SFXN3: variants seen among roughly 807,000 people sequenced by gnomAD.
SFXN3 encodes the protein sideroflexin 3, also known as sideroflexin-3.
A neutral mutation model predicts 40.4 loss-of-function variants in SFXN3; 31 were observed. The ratio of observed to expected loss-of-function variants is 0.77; its 90% CI spans 0.58 to 1.04. SFXN3 has a LOEUF of 1.04. Ranked by LOEUF, SFXN3 falls within the 50% of genes least tolerant of loss-of-function variation. The probability of loss-of-function intolerance (pLI) is 0.00; values close to 1 mark genes in which losing one functional copy is unlikely to be tolerated. For synonymous variants in SFXN3, 157 were observed against 160.0 expected, an observed-to-expected ratio of 0.98 and a Z score of 0.14; for missense variants, 366 against 408.2, an observed-to-expected ratio of 0.90 and a Z score of 0.89.
In SFXN3 at chr10:101,032,483, G is replaced by C. The variant is rs369924536; in HGVS notation, c.-4+1G>C. 8.1e-5 allele frequency: 125 copies of C among 1,546,074 alleles called. No homozygotes were observed. The highest frequency in any genetic ancestry group is 1.0e-4 in the Non-Finnish European group (118 of 1,146,596). On this transcript the variant is annotated splice_donor_variant, in intron 2 of 11. Coordinates refer to ENST00000393459, the Ensembl canonical transcript of SFXN3. LOFTEE classifies it low-confidence loss of function (5UTR_SPLICE). Reference sequence around the variant, plus strand: ...AGAGCTTCAGAGAGCGATGGAAAGCGTAAGTGCTCGCTCTCCCCGGCGGGC... The same window carrying C: ...AGAGCTTCAGAGAGCGATGGAAAGCCTAAGTGCTCGCTCTCCCCGGCGGGC...
exon 10 of SFXN3, chr10:101,038,659 G>C: frequency 6.2e-7 from 1 of 1,613,322 alleles, no homozygotes; most frequent in Non-Finnish European, 8.5e-7. Flanking sequence ...CCCTGGCTGG[G>C]GGCACCCCTG....
intron 4 of SFXN3, 112 bp downstream of exon 4, chr10:101,035,779 C>T: frequency 7.1e-7 from 1 of 1,417,268 alleles, no homozygotes; most frequent in Non-Finnish European, 9.6e-7. Flanking sequence ...GTCAGAATCG[C>T]TTCCATTCCT....
At position 101,032,559 on chromosome 10, in the gene SFXN3, T is replaced by C. The variant is rs1938329117; in HGVS notation, c.-4+77T>C. ...AGGAGGCCTGCCTTGAAACTGTCTG[T>C]CCTGGTGCAGTCAATGTCCTCGGCT... On this transcript the variant is annotated intron_variant, in intron 2 of 11. Transcript: ENST00000393459. The C allele has an allele frequency of 4.9e-6, 7 of 1,435,076 alleles. No homozygotes were observed. The African/African-American group carries it at 5.9e-5, about 12-fold the overall frequency. The allele number at this position is 1,435,076 out of a possible 1,614,324, so 88.9% of individuals were successfully genotyped here. A position where few individuals can be genotyped will look rare whatever the true frequency, so the allele number is the denominator to read the frequency against.
At chr10:101,035,542 G>A (rs138037029) in exon 4 of SFXN3, 759 of 1,613,360 alleles carry the variant, frequency 4.7e-4, no homozygotes, top group Non-Finnish European at 6.3e-4. Flanking sequence ...AGCTGTGGAG[G>A]GCCAAGTATG....
Position 101,039,546 on chromosome 10 carries a change from C to G in SFXN3, c.927C>G (p.Asn309Lys). The G allele has an allele frequency of 6.2e-7, 1 of 1,614,136 alleles. No individual in the cohort carries two copies. Among genetic ancestry groups the G allele is most frequent in the Non-Finnish European group, 8.5e-7 (1 of 1,180,002 alleles). Residue 309 changes from asparagine (N) to lysine (K), a missense_variant, in exon 12 of 12, where the codon AAC becomes AAG. Asn to Lys is a moderately conservative substitution (Grantham distance 94). Coordinates refer to ENST00000393459, the Ensembl canonical transcript of SFXN3. The surrounding 1 kb of genome is among the most constrained non-coding windows in gnomAD (Gnocchi z 4.6). ...TGAGAGCTCAGATCCATGAGCAAAA[C>G]CCCAGCGTTGAAGTGGTCTACTACA...
chr10:101,033,880 C>T (rs568326086), intron 2 of SFXN3, among the ~76,000 whole-genome samples: 4 of 152,098 alleles, frequency 2.6e-5, no homozygotes, highest in Non-Finnish European at 5.9e-5. Flanking sequence ...TTATGTTTCT[C>T]TCCACCCAAA....
At chr10:101,033,160 G>A (rs565609832) in intron 2 of SFXN3, among the ~76,000 whole-genome samples, 3 of 152,310 alleles carry the variant, frequency 2.0e-5, no homozygotes, top group East Asian at 1.9e-4. Flanking sequence ...GGCCAGTAAG[G>A]CCTTGCTCTC....
chr10:101,036,429 A>AC lies in SFXN3; in HGVS notation c.432-57_432-56insC, dbSNP rs1938606318. The AC allele has an allele frequency of 6.4e-7, 1 of 1,559,180 alleles. No individual in the cohort carries two copies. The highest frequency in any genetic ancestry group is 1.4e-5 in the African/African-American group (1 of 73,736). On this transcript the variant is annotated intron_variant, in intron 5 of 11. Transcript: ENST00000393459. The surrounding 1 kb of genome is among the most constrained non-coding windows in gnomAD (Gnocchi z 4.2). ...GAGGACTTGGCATATCCCTAAAGGA[A>AC]AGGGCCACCTGCTGGACTTGTCACC...
intron 9 of SFXN3, 186 bp downstream of exon 9, chr10:101,037,617 C>T: frequency 6.8e-7 from 1 of 1,471,824 alleles, no homozygotes. Context: ...AGGAACTCTG[C>T]AGGGGCAGGA....
At position 101,036,117 on chromosome 10, in the gene SFXN3, C is replaced by A; in HGVS notation, c.431+16C>A. 1 of 1,599,442 alleles carries A rather than the reference C, an allele frequency of 6.3e-7. No homozygotes were observed. The highest frequency in any genetic ancestry group is 1.1e-5 in the South Asian group (1 of 90,756). On this transcript the variant is annotated intron_variant, in intron 5 of 11. Coordinates refer to ENST00000393459, the Ensembl canonical transcript of SFXN3. The surrounding 1 kb of genome is among the most constrained non-coding windows in gnomAD (Gnocchi z 4.2). ...TCACTGTGAGGTGAGAGCCAGCCCC[C>A]AGCAGCAGCTGCACTGTCCCATCTG...
In SFXN3 at chr10:101,032,487, G is replaced by A. The variant is rs1564647914; in HGVS notation, c.-4+5G>A. On this transcript the variant is annotated splice_donor_5th_base_variant and intron_variant, in intron 2 of 11. Transcript: ENST00000393459. ...CTTCAGAGAGCGATGGAAAGCGTAAGTGCTCGCTCTCCCCGGCGGGCGGGG... is the reference window on the plus strand; with the variant it reads ...CTTCAGAGAGCGATGGAAAGCGTAAATGCTCGCTCTCCCCGGCGGGCGGGG... 6.5e-7 allele frequency: 1 copy of A among 1,544,020 alleles called. No homozygotes were observed.
chr10:101,032,510 G>A (rs2134184649), intron 2 of SFXN3, 28 bp downstream of exon 2: 4 of 1,531,186 alleles, frequency 2.6e-6, no homozygotes, highest in African/African-American at 2.8e-5. Context: ...CCGGCGGGCG[G>A]GGTTCTGGAA....
At chr10:101,038,326 CAGG>C (rs1794883249) in intron 9 of SFXN3, 1 of 1,291,348 alleles carries the variant, frequency 7.7e-7, no homozygotes, top group Non-Finnish European at 9.9e-7. Context: ...TGGAGGTTCA[CAGG>C]AGGTTTCCTG....
At chr10:101,034,734 C>T (rs781551244) in exon 3 of SFXN3, 37 of 1,613,978 alleles carry the variant, frequency 2.3e-5, no homozygotes, top group East Asian at 2.2e-5. Flanking sequence ...CCAGGAACCT[C>T]GCTGGGACCA....
intron 4 of SFXN3, 48 bp from the exon 5 acceptor site, chr10:101,035,955 T>TTA: frequency 1.3e-6 from 2 of 1,516,532 alleles, no homozygotes; most frequent in African/African-American, 2.7e-5. Flanking sequence ...GGTCTAAAGA[T>TTA]GAGGGCCACT....
chr10:101,037,085 G>C (rs774635591), exon 8 of SFXN3: 1 of 1,613,922 alleles, frequency 6.2e-7, no homozygotes, highest in East Asian at 2.2e-5. Context: ...GAGAGCTGCA[G>C]GTGGGCATCC....
Position 101,039,432 on chromosome 10 carries a change from G to A in SFXN3, c.870-57G>A. ...GGAGGAGGTGGGATGGCAATCCCTG[G>A]GCCTGAGTGGGGTTGGATTCAGGGG... On this transcript the variant is annotated intron_variant, in intron 11 of 11. Coordinates refer to ENST00000393459, the Ensembl canonical transcript of SFXN3. The surrounding 1 kb of genome is among the most constrained non-coding windows in gnomAD (Gnocchi z 4.6). 1 of 1,508,080 alleles carries A rather than the reference G, an allele frequency of 6.6e-7. No individual in the cohort carries two copies. The highest frequency in any genetic ancestry group is 1.1e-5 in the South Asian group (1 of 88,944). 93.4% of individuals were successfully genotyped at this position (1,508,080 alleles called of 1,614,324 possible).
rs1384534110 is a variant in SFXN3 at position 101,039,779 on chromosome 10, G to T, written c.*194G>T. The stretch of plus-strand genomic sequence containing the variant: ...TTTTCCTCCCTTCTCTGGTTTCAAA[G>T]ATCAGAGCACATAACCCCTCCTGTG... On this transcript the variant is annotated 3_prime_UTR_variant, in exon 12 of 12. Transcript: ENST00000393459. This position sits in a 1 kb window ranked among gnomAD's most constrained non-coding sequence, Gnocchi z 4.6. 2 of 605,392 alleles carry T rather than the reference G, an allele frequency of 3.3e-6. No individual in the cohort carries two copies. Among genetic ancestry groups the T allele is most frequent in the South Asian group, 1.9e-5 (1 of 51,392 alleles). 37.5% of individuals were successfully genotyped at this position (605,392 alleles called of 1,614,324 possible).
intron 3 of SFXN3, 54 bp from the exon 4 acceptor site, chr10:101,035,443 G>A: frequency 6.5e-7 from 1 of 1,543,356 alleles, no homozygotes; most frequent in Middle Eastern, 2.4e-4. Flanking sequence ...TGGGGCCTGT[G>A]AGGGCAGATC....
Sources: gnomAD v4.1 joint callset for allele counts (sites outside exome capture counted in the v4.1 genomes callset) on GRCh38, gnomAD v4.1.1 for gene constraint, Gnocchi (gnomAD v3.1) non-coding constraint, MANE v1.5 for transcripts, NCBI Gene and HGNC (gene_info 2026-07-23, HGNC 2026-07-21) for gene names.